EXOC4: variants seen among roughly 807,000 people sequenced by gnomAD.
EXOC4 encodes the protein exocyst complex component 4, also known as SEC8-like 1.
A neutral mutation model predicts 107.2 loss-of-function variants in EXOC4; 71 were observed. The observed-to-expected ratio is 0.66, with a 90% confidence interval of 0.55 to 0.81. The LOEUF is 0.81. EXOC4 is among the 30% of genes least tolerant of loss of function. The probability of loss-of-function intolerance (pLI) is 0.00; values close to 1 mark genes in which losing one functional copy is unlikely to be tolerated. For missense variants in EXOC4, 1,108 were observed against 1,189.6 expected, an observed-to-expected ratio of 0.93 and a Z score of 1.01; for synonymous variants, 456 against 441.2, an observed-to-expected ratio of 1.03 and a Z score of -0.42.
At chr7:133,552,368 T>A (rs1361892445) in intron 9 of EXOC4, among the ~76,000 whole-genome samples, 1 of 152,200 alleles carries the variant, frequency 6.6e-6, no homozygotes, top group East Asian at 1.9e-4. Flanking sequence ...TCATTGAAGA[T>A]GTCTTTGTGT....
intron 10 of EXOC4, among the ~76,000 whole-genome samples, chr7:133,735,305 A>T (rs968481617): frequency 1.3e-5 from 2 of 149,926 alleles, no homozygotes; most frequent in Admixed American, 1.3e-4. Flanking sequence ...TACATGTTGA[A>T]ACATCAGTTT....
At chr7:133,834,965 A>G (rs1797887705) in intron 11 of EXOC4, among the ~76,000 whole-genome samples, 1 of 152,020 alleles carries the variant, frequency 6.6e-6, no homozygotes, top group African/African-American at 2.4e-5. Flanking sequence ...GGTTTTAGAA[A>G]TGGGAATCTC....
chr7:133,844,263 CTCTGTCAATT>C (rs1424878412), intron 11 of EXOC4, among the ~76,000 whole-genome samples: 3 of 151,744 alleles, frequency 2.0e-5, no homozygotes, highest in African/African-American at 2.4e-5. Flanking sequence ...TAGAATTCAG[CTCTGTCAATT>C]TCTGTCAATT....
chr7:133,845,381 T>C (rs1399995467), intron 11 of EXOC4, among the ~76,000 whole-genome samples: 4 of 147,472 alleles, frequency 2.7e-5, no homozygotes, highest in Non-Finnish European at 6.0e-5. Context: ...AAATACAATA[T>C]TATATATAAT....
chr7:133,905,184 G>A (rs567948164), intron 12 of EXOC4, among the ~76,000 whole-genome samples: 7 of 152,252 alleles, frequency 4.6e-5, no homozygotes, highest in South Asian at 2.1e-4. Flanking sequence ...TCTGCTGAGG[G>A]TTGGCTTGTT....
At chr7:133,802,487 G>A (rs1438086548) in intron 10 of EXOC4, among the ~76,000 whole-genome samples, 1 of 152,166 alleles carries the variant, frequency 6.6e-6, no homozygotes. Context: ...TCATGTTTCA[G>A]GTTGTTGCTG....
intron 12 of EXOC4, among the ~76,000 whole-genome samples, chr7:133,917,021 G>T (rs1022912687): frequency 2.0e-5 from 3 of 152,188 alleles, no homozygotes; most frequent in Non-Finnish European, 2.9e-5. Flanking sequence ...ACTGGAGATG[G>T]CAGTAATCAA....
intron 17 of EXOC4, among the ~76,000 whole-genome samples, chr7:134,023,130 C>T (rs1195511719): frequency 6.6e-6 from 1 of 152,142 alleles, no homozygotes; most frequent in African/African-American, 2.4e-5. Flanking sequence ...TGTGCTTTTA[C>T]ATTGCAGTGA....
chr7:133,865,673 G>A (rs1048758777), intron 11 of EXOC4, among the ~76,000 whole-genome samples: 4 of 152,176 alleles, frequency 2.6e-5, no homozygotes, highest in Admixed American at 1.3e-4. Flanking sequence ...TTACAACCAT[G>A]ACAGAAGGCG....
chr7:133,293,878 C>G (rs537860849), intron 3 of EXOC4, among the ~76,000 whole-genome samples: 29 of 152,142 alleles, frequency 1.9e-4, no homozygotes, highest in Non-Finnish European at 3.7e-4. Context: ...TAGCCTGTAG[C>G]TTTGTGATAT....
At chr7:133,282,244 C>T (rs1178088155) in intron 2 of EXOC4, among the ~76,000 whole-genome samples, 1 of 152,120 alleles carries the variant, frequency 6.6e-6, no homozygotes, top group African/African-American at 2.4e-5. Flanking sequence ...CCTCTTGGGC[C>T]CTGTTTTCTT....
chr7:133,288,251 T>C (rs1449522240), intron 2 of EXOC4, among the ~76,000 whole-genome samples: 2 of 152,218 alleles, frequency 1.3e-5, no homozygotes, highest in African/African-American at 4.8e-5. Flanking sequence ...TCCTCCATTC[T>C]TCTCCTCTCC....
chr7:133,802,707 TGTG>T (rs1270951152), intron 10 of EXOC4, among the ~76,000 whole-genome samples: 14 of 151,854 alleles, frequency 9.2e-5, no homozygotes, highest in Admixed American at 3.9e-4. Flanking sequence ...ATTAGCCAGA[TGTG>T]GTGGTGGAAG....
chr7:133,829,925 G>GA (rs563884009), intron 11 of EXOC4, among the ~76,000 whole-genome samples: 24 of 150,240 alleles, frequency 1.6e-4, no homozygotes, highest in Non-Finnish European at 2.2e-4. Context: ...TTTTGAGGAG[G>GA]AAAAAAAAAG....
At chr7:133,442,368 TATTC>T (rs1354450865) in intron 7 of EXOC4, among the ~76,000 whole-genome samples, 1 of 152,176 alleles carries the variant, frequency 6.6e-6, no homozygotes, top group African/African-American at 2.4e-5. Context: ...TGGGATAATT[TATTC>T]ATTTATTAAA....
intron 7 of EXOC4, among the ~76,000 whole-genome samples, chr7:133,403,216 TC>T (rs1797134216): frequency 6.6e-6 from 1 of 152,082 alleles, no homozygotes; most frequent in South Asian, 2.1e-4. Flanking sequence ...AGGAGAGAAA[TC>T]CTTTACTCAC....
At chr7:133,558,040 G>A (rs1380838702) in intron 9 of EXOC4, among the ~76,000 whole-genome samples, 1 of 152,014 alleles carries the variant, frequency 6.6e-6, no homozygotes, top group African/African-American at 2.4e-5. Context: ...TATGATAAGT[G>A]TTTTCCCCTC....
chr7:133,387,292 T>C (rs1037931001), intron 7 of EXOC4, among the ~76,000 whole-genome samples: 10 of 152,202 alleles, frequency 6.6e-5, no homozygotes, highest in African/African-American at 2.4e-4. Context: ...AGAGTGTTTG[T>C]GTTCTGCAAC....
intron 7 of EXOC4, among the ~76,000 whole-genome samples, chr7:133,424,051 C>G (rs1157274814): frequency 6.6e-6 from 1 of 151,912 alleles, no homozygotes; most frequent in African/African-American, 2.4e-5. Context: ...ATGGACCAGT[C>G]AGCTCTCTGT....
Sources: gnomAD v4.1 joint callset for allele counts (sites outside exome capture counted in the v4.1 genomes callset) on GRCh38, gnomAD v4.1.1 for gene constraint, MANE v1.5 for transcripts, NCBI Gene and HGNC (gene_info 2026-07-23, HGNC 2026-07-21) for gene names.